RAPGEF5: variants seen among roughly 807,000 people sequenced by gnomAD.
The protein encoded by RAPGEF5 is M-Ras-regulated GEF.
Under a neutral mutation model 125.2 loss-of-function variants are expected in RAPGEF5, and 65 were observed. The observed-to-expected ratio is 0.52, with a 90% CI of 0.43 to 0.64. RAPGEF5 has a LOEUF of 0.64. RAPGEF5 is among the 30% of genes least tolerant of loss of function. The pLI, the probability that RAPGEF5 is intolerant of heterozygous loss-of-function variation, is 0.00. For missense variants in RAPGEF5, 958 were observed against 1,048.1 expected (o/e 0.91, Z 1.19); for synonymous variants, 391 against 385.9 (o/e 1.01, Z -0.16).
At position 22,147,087 on chromosome 7, in the gene RAPGEF5, AG is replaced by A. The variant is rs2128105937; in HGVS notation, c.1885-69del. 2.6e-6 allele frequency: 4 copies of A among 1,560,474 alleles called. No individual in the cohort carries two copies. In the East Asian group the frequency reaches 9.0e-5, roughly 35 times the overall value. ...GTTTTGCACTGCATTGGCTGGCTGT[AG>A]AAAGGCACTAGAAGCTCAGATTAGC... On this transcript the variant is annotated intron_variant, in intron 18 of 25. Transcript: ENST00000665637.
intron 7 of RAPGEF5, among the ~76,000 whole-genome samples, chr7:22,238,060 G>A (rs1786237626): frequency 6.6e-6 from 1 of 152,128 alleles, no homozygotes; most frequent in African/African-American, 2.4e-5. Context: ...GATCTGACAT[G>A]GGAGCAGGAA....
rs371609796 is a variant in RAPGEF5, at chr7:22,356,117, T to C, written c.231+713A>G. ...CAGACCTTCCTGCTTCTCTTAAAAATACAAAACATGCCTGACCTGCTCAGG... is the reference window on the plus strand; with the variant it reads ...CAGACCTTCCTGCTTCTCTTAAAAACACAAAACATGCCTGACCTGCTCAGG... On this transcript the variant is annotated intron_variant, in intron 1 of 25. Coordinates refer to ENST00000665637, the MANE Select transcript of RAPGEF5 (RefSeq NM_012294.5). The C allele has an allele frequency of 6.8e-5, 67 of 985,120 alleles. 1 individual carries two copies. The East Asian group carries it at 1.9e-3, about 28-fold the overall frequency. The allele number at this position is 985,120 out of a possible 1,614,324, so 61.0% of individuals were successfully genotyped here.
At chr7:22,170,947 ATCTC>A (rs773772977) in intron 11 of RAPGEF5, among the ~76,000 whole-genome samples, 1 of 152,094 alleles carries the variant, frequency 6.6e-6, no homozygotes, top group Non-Finnish European at 1.5e-5. Flanking sequence ...TAACTCAAAT[ATCTC>A]TCTATTTAAC....
At chr7:22,309,559 TGATTACTTA>T (rs1783422001) in intron 4 of RAPGEF5, among the ~76,000 whole-genome samples, 1 of 152,244 alleles carries the variant, frequency 6.6e-6, no homozygotes, top group Non-Finnish European at 1.5e-5. Flanking sequence ...AAAGTGTTCA[TGATTACTTA>T]GTCAATTAAA....
At chr7:22,148,117 C>T (rs1428583100) in intron 18 of RAPGEF5, among the ~76,000 whole-genome samples, 2 of 152,142 alleles carry the variant, frequency 1.3e-5, no homozygotes, top group Non-Finnish European at 2.9e-5. Context: ...AACGAACCAG[C>T]TAACAAATGT....
intron 1 of RAPGEF5, among the ~76,000 whole-genome samples, chr7:22,354,437 A>C (rs1273219429): frequency 2.0e-5 from 3 of 152,200 alleles, no homozygotes; most frequent in African/African-American, 7.2e-5. Context: ...ATCACTGCCC[A>C]ATCCAAGGTG....
At chr7:22,212,848 G>A (rs1785543136) in intron 9 of RAPGEF5, among the ~76,000 whole-genome samples, 1 of 152,164 alleles carries the variant, frequency 6.6e-6, no homozygotes, top group Non-Finnish European at 1.5e-5. Flanking sequence ...ACCACTGGGG[G>A]AGGAGGGTGA....
intron 9 of RAPGEF5, among the ~76,000 whole-genome samples, chr7:22,214,278 T>C (rs1785578938): frequency 6.6e-6 from 1 of 151,994 alleles, no homozygotes; most frequent in South Asian, 2.1e-4. Flanking sequence ...GGGAAGGAAG[T>C]AGGGTGGGTC....
chr7:22,179,447 T>C (rs1406605937), intron 11 of RAPGEF5, among the ~76,000 whole-genome samples: 1 of 152,180 alleles, frequency 6.6e-6, no homozygotes, highest in East Asian at 1.9e-4. Context: ...TTGAGGAGGA[T>C]ATCAGAGATA....
chr7:22,202,048 CAA>C (rs1165097688), intron 9 of RAPGEF5, among the ~76,000 whole-genome samples: 1 of 152,140 alleles, frequency 6.6e-6, no homozygotes, highest in Non-Finnish European at 1.5e-5. Context: ...TCAGCAAAGG[CAA>C]AGAGGCAGAG....
At chr7:22,209,125 A>G (rs1785456266) in intron 9 of RAPGEF5, among the ~76,000 whole-genome samples, 3 of 152,374 alleles carry the variant, frequency 2.0e-5, no homozygotes, top group African/African-American at 4.8e-5. Context: ...GATAAAGGTC[A>G]GAGGTGATTG....
intron 3 of RAPGEF5, among the ~76,000 whole-genome samples, chr7:22,311,765 T>A (rs1783476559): frequency 1.3e-5 from 2 of 152,324 alleles, no homozygotes; most frequent in South Asian, 4.1e-4. Flanking sequence ...AAACAGGCAA[T>A]TAGACCAAAC....
chr7:22,153,860 C>G (rs189074703), intron 17 of RAPGEF5, among the ~76,000 whole-genome samples: 435 of 152,260 alleles, frequency 2.9e-3, no homozygotes, highest in Middle Eastern at 0.02. Flanking sequence ...CTGTTCAAGC[C>G]GCATAGATCA....
intron 11 of RAPGEF5, among the ~76,000 whole-genome samples, chr7:22,186,178 C>T (rs1461746499): frequency 1.3e-5 from 2 of 152,088 alleles, no homozygotes; most frequent in South Asian, 2.1e-4. Context: ...TTGGATAAAG[C>T]GATTTTCACA....
intron 21 of RAPGEF5, 140 bp downstream of exon 21, chr7:22,139,885 C>G (rs1783202331): frequency 1.4e-6 from 1 of 699,652 alleles, no homozygotes; most frequent in African/African-American, 1.8e-5. Context: ...GTTTAAAGAC[C>G]ATTTGATCAA....
In RAPGEF5 at chr7:22,204,223, GT is replaced by G. The variant is rs533283462; in HGVS notation, c.997-10191del. On this transcript the variant is annotated intron_variant, in intron 9 of 25. Transcript: ENST00000665637. ...TTCCTCCCATAGGATCTGAAACTTAGTTGTGTTTGATACCTCCTGACTCAGT... is the reference window on the plus strand; with the variant it reads ...TTCCTCCCATAGGATCTGAAACTTAGTGTGTTTGATACCTCCTGACTCAGT... Among the ~76,000 whole-genome samples, 547 of 152,276 alleles carry G rather than the reference GT, an allele frequency of 3.6e-3. 5 individuals are homozygous for G. Among genetic ancestry groups the G allele is most frequent in the African/African-American group, 0.012 (500 of 41,552 alleles).
intron 6 of RAPGEF5, among the ~76,000 whole-genome samples, chr7:22,269,976 CGGA>C (rs902193737): frequency 8.5e-5 from 13 of 152,210 alleles, no homozygotes; most frequent in Non-Finnish European, 1.2e-4. Context: ...TGCAGAGCCC[CGGA>C]GGAGAACAGG....
chr7:22,302,995 C>T (rs1192976211), intron 5 of RAPGEF5, among the ~76,000 whole-genome samples: 1 of 152,120 alleles, frequency 6.6e-6, no homozygotes, highest in African/African-American at 2.4e-5. Context: ...TACAGACTGT[C>T]TATTCAAAGC....
chr7:22,267,881 C>T (rs1194592159), intron 6 of RAPGEF5, among the ~76,000 whole-genome samples: 18 of 150,114 alleles, frequency 1.2e-4, no homozygotes, highest in African/African-American at 2.2e-4. Flanking sequence ...TTTTTTTCGG[C>T]GGGTGGGGGT....
Sources: allele counts gnomAD v4.1 joint callset (sites outside exome capture counted in the v4.1 genomes callset), GRCh38; gene constraint gnomAD v4.1.1; transcripts MANE v1.5; gene names NCBI Gene and HGNC (gene_info 2026-07-23, HGNC 2026-07-21).